ATP6V0A4: variants seen among roughly 807,000 people sequenced by gnomAD.
ATP6V0A4 encodes the protein V-type proton ATPase 116 kDa subunit a 4.
Under a neutral mutation model 107.3 loss-of-function variants are expected in ATP6V0A4, and 86 were observed. The ratio of observed to expected loss-of-function variants is 0.80; its 90% CI spans 0.67 to 0.96. ATP6V0A4 has a LOEUF of 0.96. ATP6V0A4 is among the 40% of genes least tolerant of loss of function. ATP6V0A4 has a pLI of 0.00. For missense variants in ATP6V0A4, 908 were observed against 1,045.6 expected (o/e 0.87, Z 1.81); for synonymous variants, 353 against 381.4 (o/e 0.93, Z 0.87).
In ATP6V0A4 at chr7:138,746,207, T is replaced by A. The variant is rs150479105; in HGVS notation, c.1321-927A>T. ...CACTGAACTGGCCTCCCATGGCTGC[T>A]ATATTTATGACAAGTCAGATATATA... On this transcript the variant is annotated intron_variant, in intron 13 of 21. Coordinates refer to ENST00000310018, the MANE Select transcript of ATP6V0A4 (RefSeq NM_020632.3). Among the ~76,000 whole-genome samples, 70 of 151,092 alleles carry A rather than the reference T, an allele frequency of 4.6e-4. No individual in the cohort carries two copies. The East Asian group carries it at 0.01, about 22-fold the overall frequency.
rs1227317306 is a variant in ATP6V0A4 at position 138,773,384 on chromosome 7, G to C, written c.-17-2120C>G. On this transcript the variant is annotated intron_variant, in intron 2 of 21. Transcript: ENST00000310018. The surrounding 1 kb of genome is among the most constrained non-coding windows in gnomAD (Gnocchi z 5.4). ...ACCCTGTCACTCCTCCAGTCTCCAT[G>C]TAAGGATCTTCTTCCTCCACAAGCC... 1.3e-5 allele frequency among the ~76,000 whole-genome samples: 2 copies of C among 152,110 alleles called. No individual in the cohort carries two copies. Among genetic ancestry groups the C allele is most frequent in the African/African-American group, 4.8e-5 (2 of 41,418 alleles).
At chr7:138,735,184 A>C (rs1459132942) in intron 15 of ATP6V0A4, among the ~76,000 whole-genome samples, 1 of 152,054 alleles carries the variant, frequency 6.6e-6, no homozygotes, top group African/African-American at 2.4e-5. Context: ...AGGGTCTCAC[A>C]CTAGCTAAGG....
chr7:138,716,579 G>GT (rs1308758728), intron 19 of ATP6V0A4, among the ~76,000 whole-genome samples: 1 of 135,256 alleles, frequency 7.4e-6, no homozygotes, highest in East Asian at 2.2e-4. Context: ...TTTTTTTGGG[G>GT]GGGGGGGAGG....
At chr7:138,713,276 G>A (rs1300016515) in intron 20 of ATP6V0A4, among the ~76,000 whole-genome samples, 1 of 91,784 alleles carries the variant, frequency 1.1e-5, no homozygotes, top group Non-Finnish European at 2.0e-5. Context: ...CGGCACTCCA[G>A]CCTGAAAAAA....
rs544220145 is a variant in ATP6V0A4, at chr7:138,739,501, T to C, written c.1572+39A>G. ...CTCTCCAGAGGTCTCCTCAAGATAG[T>C]TCACATAAGAAATATTTAACCCAAG... On this transcript the variant is annotated intron_variant, in intron 15 of 21. Coordinates refer to ENST00000310018, the MANE Select transcript of ATP6V0A4 (RefSeq NM_020632.3). 2.5e-6 allele frequency: 4 copies of C among 1,610,370 alleles called. No homozygotes were observed. In the South Asian group the frequency reaches 3.3e-5, roughly 13 times the overall value.
intron 7 of ATP6V0A4, among the ~76,000 whole-genome samples, chr7:138,760,582 T>G (rs983947849): frequency 6.6e-6 from 1 of 152,158 alleles, no homozygotes; most frequent in Non-Finnish European, 1.5e-5. Context: ...CATTGATGTC[T>G]ATATATATCT....
intron 1 of ATP6V0A4, among the ~76,000 whole-genome samples, chr7:138,794,047 A>G (rs1808544751): frequency 6.6e-6 from 1 of 152,178 alleles, no homozygotes; most frequent in Non-Finnish European, 1.5e-5. Flanking sequence ...TGTTCTCTCC[A>G]AATTACAGAC....
intron 18 of ATP6V0A4, 72 bp from the exon 19 acceptor site, chr7:138,722,097 A>G (rs1330305119): frequency 6.3e-7 from 1 of 1,592,074 alleles, no homozygotes; most frequent in Non-Finnish European, 8.5e-7. Flanking sequence ...AAATATAAAT[A>G]AAGGCTCTCC....
At chr7:138,715,645 T>C (rs1803997761) in intron 20 of ATP6V0A4, 119 bp downstream of exon 20, 1 of 1,408,802 alleles carries the variant, frequency 7.1e-7, no homozygotes. Context: ...GAAGAGTCAT[T>C]CTTTTGGCAA....
At chr7:138,716,456 A>C (rs1264470185) in intron 19 of ATP6V0A4, among the ~76,000 whole-genome samples, 1 of 152,146 alleles carries the variant, frequency 6.6e-6, no homozygotes, top group Non-Finnish European at 1.5e-5. Context: ...AAGAAAAAAA[A>C]AAAAGGACAA....
intron 18 of ATP6V0A4, among the ~76,000 whole-genome samples, chr7:138,725,392 G>A (rs1804655722): frequency 6.6e-6 from 1 of 152,164 alleles, no homozygotes; most frequent in Non-Finnish European, 1.5e-5. Context: ...AGATCCCAAA[G>A]AAGACATTCT....
intron 13 of ATP6V0A4, 179 bp from the exon 14 acceptor site, chr7:138,745,459 C>T (rs1584919668): frequency 2.7e-6 from 1 of 367,774 alleles, no homozygotes; most frequent in Non-Finnish European, 3.8e-6. Context: ...GTTTTTGGAA[C>T]ATATAGGTGC....
chr7:138,727,823 G>C (rs965629324), intron 18 of ATP6V0A4, among the ~76,000 whole-genome samples: 2 of 152,188 alleles, frequency 1.3e-5, no homozygotes, highest in Non-Finnish European at 2.9e-5. Flanking sequence ...TCCTCTGGAA[G>C]GTTAATCTTA....
At chr7:138,729,817 A>G (rs552214313) in intron 17 of ATP6V0A4, among the ~76,000 whole-genome samples, 36 of 152,340 alleles carry the variant, frequency 2.4e-4, no homozygotes, top group African/African-American at 8.2e-4. Flanking sequence ...ACAATTTATT[A>G]TCCCAATTGT....
chr7:138,723,981 G>T (rs187285679), intron 18 of ATP6V0A4, among the ~76,000 whole-genome samples: 164 of 150,122 alleles, frequency 1.1e-3, no homozygotes, highest in African/African-American at 3.7e-3. Flanking sequence ...TTTGAGCCTA[G>T]GAGTTCAAGG....
At position 138,718,594 on chromosome 7, in the gene ATP6V0A4, A is replaced by C. The variant is rs796585126; in HGVS notation, c.2140-2713T>G. Among the ~76,000 whole-genome samples, 127 of 61,388 alleles carry C rather than the reference A, an allele frequency of 2.1e-3. 6 individuals carry two copies. Among genetic ancestry groups the C allele is most frequent in the Middle Eastern group, 0.015 (1 of 68 alleles). The allele number at this position is 61,388 out of a possible 152,430, so 40.3% of individuals were successfully genotyped here. ...CGGAGAGGCATGGGGCGGAATGGGG[A>C]GGAATGGGGAGGAATGGGGAGGAAT... On this transcript the variant is annotated intron_variant, in intron 19 of 21. Transcript: ENST00000310018.
At chr7:138,766,584 A>C (rs1373991859) in intron 5 of ATP6V0A4, among the ~76,000 whole-genome samples, 2 of 152,186 alleles carry the variant, frequency 1.3e-5, no homozygotes, top group Non-Finnish European at 2.9e-5. Context: ...GATATAGCCC[A>C]AAACAATAAA....
chr7:138,742,579 C>G (rs1308206326), intron 14 of ATP6V0A4, among the ~76,000 whole-genome samples: 1 of 152,104 alleles, frequency 6.6e-6, no homozygotes, highest in Non-Finnish European at 1.5e-5. Context: ...GGCTGGGGTG[C>G]AACAGTGCCA....
chr7:138,709,956 C>T lies in ATP6V0A4; in HGVS notation c.2258-161G>A, dbSNP rs150688467. The T allele has an allele frequency of 8.1e-3, 2,774 of 341,768 alleles. 85 individuals are homozygous for T. The highest frequency in any genetic ancestry group is 0.06 in the African/African-American group (2,637 of 43,808). 21.2% of individuals were successfully genotyped at this position (341,768 alleles called of 1,614,324 possible). A position where few individuals can be genotyped will look rare whatever the true frequency, so the allele number is the denominator to read the frequency against. ...CTCCAACTCCTGGCCTGAAGCAATC[C>T]TCCTGTCTCAGCCTCCCAAAGTGCT... On this transcript the variant is annotated intron_variant, in intron 20 of 21. Transcript: ENST00000310018.
Sources: allele counts gnomAD v4.1 joint callset (sites outside exome capture counted in the v4.1 genomes callset), GRCh38; gene constraint gnomAD v4.1.1; non-coding constraint Gnocchi (gnomAD v3.1); transcripts MANE v1.5; gene names NCBI Gene and HGNC (gene_info 2026-07-23, HGNC 2026-07-21).